The following MN1 variants were observed in gnomAD, a reference collection of about 807,000 sequenced individuals.
The protein encoded by MN1 is transcriptional activator MN1.
In MN1, 19 loss-of-function variants were observed where a neutral mutation model predicts 86.9. The observed-to-expected ratio is 0.22, with a 90% CI of 0.15 to 0.32. The LOEUF is 0.32. Among genes scored for constraint, MN1 ranks in the 10% least tolerant of loss-of-function variants. MN1 has a pLI of 1.00. For missense variants in MN1, 1,841 were observed against 1,862.0 expected, an observed-to-expected ratio of 0.99 and a Z score of 0.21; for synonymous variants, 928 against 849.6, an observed-to-expected ratio of 1.09 and a Z score of -1.60.
At chr22:27,764,136 C>T (rs765046583) in intron 1 of MN1, among the ~76,000 whole-genome samples, 1 of 152,132 alleles carries the variant, frequency 6.6e-6, no homozygotes, top group Non-Finnish European at 1.5e-5. Context: ...AATGGGGAGC[C>T]AAGGAAGGCT....
chr22:27,786,373 T>G (rs1933132779), intron 1 of MN1, among the ~76,000 whole-genome samples: 1 of 152,176 alleles, frequency 6.6e-6, no homozygotes, highest in South Asian at 2.1e-4. Context: ...CTTCCGAGAC[T>G]TATGCATACT....
chr22:27,787,422 G>C (rs201960319), intron 1 of MN1, among the ~76,000 whole-genome samples: 2 of 152,230 alleles, frequency 1.3e-5, no homozygotes, highest in East Asian at 1.9e-4. Flanking sequence ...TCCTGGAAGG[G>C]AGGAAAGAAG....
At position 27,799,819 on chromosome 22, in the gene MN1, C is replaced by T. The variant is rs761329146; in HGVS notation, c.725G>A (p.Gly242Glu). The T allele has an allele frequency of 6.3e-6, 10 of 1,596,396 alleles. No individual in the cohort carries two copies. The East Asian group carries it at 1.1e-4, about 18-fold the overall frequency. Residue 242 changes from glycine (G) to glutamate (E), a missense_variant, in exon 1 of 2, where the codon GGA becomes GAA. By Grantham distance (98) the Gly-to-Glu change is moderately conservative (BLOSUM62 -2). Transcript: ENST00000302326. ...EYNYPGEAPS[G>E]HFDMFSPSDS... ...AGAGGGCGAAAACATGTCAAAATGTCCCGAGGGCGCCTCGCCCGGGTAATT... is the reference window on the plus strand; with the variant it reads ...AGAGGGCGAAAACATGTCAAAATGTTCCGAGGGCGCCTCGCCCGGGTAATT...
In MN1 at chr22:27,801,603, A is replaced by C; in HGVS notation, c.-1060T>G. 1 of 95,702 alleles carries C rather than the reference A, an allele frequency of 1.0e-5. No individual in the cohort carries two copies. Among genetic ancestry groups the C allele is most frequent in the Non-Finnish European group, 1.9e-5 (1 of 51,906 alleles). The allele number at this position is 95,702 out of a possible 1,614,324, so 5.9% of individuals were successfully genotyped here. On this transcript the variant is annotated 5_prime_UTR_variant, in exon 1 of 2. Transcript: ENST00000302326. ...TAAGGCGTTCCCGCTGCGCTCTCAG[A>C]GCCCGGAATGGGGGGAGGGGGGCGC...
Position 27,799,419 on chromosome 22 carries a change from C to T in MN1, c.1125G>A (p.Pro375=), listed in dbSNP as rs370201483. 34 of 1,483,600 alleles carry T rather than the reference C, an allele frequency of 2.3e-5. 1 individual carries two copies. In the Middle Eastern group the frequency reaches 5.4e-4, roughly 24 times the overall value. 91.9% of individuals were successfully genotyped at this position (1,483,600 alleles called of 1,614,324 possible). A position where few individuals can be genotyped will look rare whatever the true frequency, so the allele number is the denominator to read the frequency against. Residue 375 remains proline (P), a synonymous_variant, in exon 1 of 2, where the codon CCG becomes CCA. Coordinates refer to ENST00000302326, the MANE Select transcript of MN1 (RefSeq NM_002430.3). ...CCTGCTGGGGCCGAGGGAGCGCAGG[C>T]GGGCACGAATTTTGTCGGACTAGAA... ...PGLLVRQNSC[P]PALPRPQQGE... is the part of the protein sequence containing the mutation.
At chr22:27,762,683 C>T (rs1490678509) in intron 1 of MN1, among the ~76,000 whole-genome samples, 4 of 152,004 alleles carry the variant, frequency 2.6e-5, no homozygotes, top group Admixed American at 1.3e-4. Context: ...CCAGCATGCT[C>T]GCACAGAAAC....
At position 27,798,094 on chromosome 22, in the gene MN1, T is replaced by C. The variant is rs775314916; in HGVS notation, c.2450A>G (p.Asp817Gly). The change falls in exon 1 of 2, where the codon GAC becomes GGC. Residue 817 changes from aspartate (D) to glycine (G), a missense_variant. Asp to Gly is a moderately conservative substitution (Grantham distance 94). Transcript: ENST00000302326. ...CAGGCAGCTCTGGCCGAACAGGTTG[T>C]CCTTGGAGCTGGGCTTGTTGAAGGA... is the stretch of plus-strand genomic sequence containing the variant. ...LGSFNKPSSK[D>G]NLFGQSCLAA... The C allele has an allele frequency of 1.2e-6, 2 of 1,611,380 alleles. No individual in the cohort carries two copies. Among genetic ancestry groups the C allele is most frequent in the South Asian group, 2.2e-5 (2 of 91,050 alleles).
At position 27,800,057 on chromosome 22, in the gene MN1, C is replaced by T. The variant is rs891364169; in HGVS notation, c.487G>A (p.Glu163Lys). 1.2e-6 allele frequency: 2 copies of T among 1,600,844 alleles called. No individual in the cohort carries two copies. Among genetic ancestry groups the T allele is most frequent in the African/African-American group, 2.7e-5 (2 of 74,904 alleles). The change falls in exon 1 of 2, where the codon GAG becomes AAG. Residue 163 changes from glutamate (E) to lysine (K), a missense_variant. By Grantham distance (56) the Glu-to-Lys change is moderately conservative. Transcript: ENST00000302326. ...YEHMAESQGP[E>K]SFGPQRPGNL... The stretch of plus-strand genomic sequence containing the variant: ...CCCGGTCGCTGCGGGCCGAAGCTCT[C>T]AGGCCCCTGGCTCTCCGCCATGTGC...
At chr22:27,775,941 A>C (rs1568976111) in intron 1 of MN1, among the ~76,000 whole-genome samples, 1 of 148,122 alleles carries the variant, frequency 6.8e-6, no homozygotes, top group African/African-American at 2.6e-5. Context: ...CATTTAAAAA[A>C]GGGAAGGAAA....
intron 1 of MN1, among the ~76,000 whole-genome samples, chr22:27,794,617 C>A (rs1405105608): frequency 6.6e-6 from 1 of 152,156 alleles, no homozygotes; most frequent in African/African-American, 2.4e-5. Flanking sequence ...CAAAACATTT[C>A]TTTGGTGACA....
chr22:27,799,155 G>A lies in MN1; in HGVS notation c.1389C>T (p.Gly463=). Residue 463 remains glycine, a synonymous_variant, in exon 1 of 2, where the codon GGC becomes GGT. Transcript: ENST00000302326. ...AAGCGCAGCGGTCCACTCCCGCGCTGCCCGGAAAGTCGAAGCGCGGCCTCT... is the reference window on the plus strand; with the variant it reads ...AAGCGCAGCGGTCCACTCCCGCGCTACCCGGAAAGTCGAAGCGCGGCCTCT... The part of the protein sequence containing the change: ...VAKRPRFDFP[G]SAGVDRCASW... The A allele has an allele frequency of 6.2e-7, 1 of 1,606,466 alleles. No homozygotes were observed. The highest frequency in any genetic ancestry group is 1.7e-4 in the Middle Eastern group (1 of 6,042).
chr22:27,758,331 G>T (rs1601323400), intron 1 of MN1, among the ~76,000 whole-genome samples: 1 of 152,154 alleles, frequency 6.6e-6, no homozygotes, highest in Admixed American at 6.5e-5. Flanking sequence ...CACCCCAGGT[G>T]ACTCCTGCCA....
intron 1 of MN1, among the ~76,000 whole-genome samples, chr22:27,758,561 A>G (rs966679306): frequency 2.6e-5 from 4 of 152,208 alleles, no homozygotes; most frequent in Non-Finnish European, 4.4e-5. Context: ...ACAGGCCACC[A>G]AACACAGAAA....
In MN1 at chr22:27,800,808, C is replaced by T. The variant is rs1933423268; in HGVS notation, c.-265G>A. The T allele has an allele frequency of 5.5e-6, 3 of 541,998 alleles. No individual in the cohort carries two copies. Among genetic ancestry groups the T allele is most frequent in the Non-Finnish European group, 9.8e-6 (3 of 307,056 alleles). The allele number at this position is 541,998 out of a possible 1,614,324, so 33.6% of individuals were successfully genotyped here. A position where few individuals can be genotyped will look rare whatever the true frequency, so the allele number is the denominator to read the frequency against. ...CCTCTAGGAGCCGTGTTGGGGGGCCCATGCCCCGGGCGGTTGTCACAGCCG... is the reference window on the plus strand; with the variant it reads ...CCTCTAGGAGCCGTGTTGGGGGGCCTATGCCCCGGGCGGTTGTCACAGCCG... On this transcript the variant is annotated 5_prime_UTR_variant, in exon 1 of 2. It removes an upstream start codon present in the reference 5' UTR. Transcript: ENST00000302326.
intron 1 of MN1, among the ~76,000 whole-genome samples, chr22:27,773,537 T>C (rs1247333971): frequency 6.6e-6 from 1 of 152,254 alleles, no homozygotes; most frequent in Non-Finnish European, 1.5e-5. Flanking sequence ...CGCCTCCCTA[T>C]GCCCATTTCA....
At chr22:27,772,513 A>G (rs1932927032) in intron 1 of MN1, among the ~76,000 whole-genome samples, 1 of 152,142 alleles carries the variant, frequency 6.6e-6, no homozygotes, top group South Asian at 2.1e-4. Flanking sequence ...CTAGCATTTA[A>G]GTAGTGCCGA....
At position 27,797,873 on chromosome 22, in the gene MN1, C is replaced by G; in HGVS notation, c.2671G>C (p.Gly891Arg). 1.3e-6 allele frequency: 2 copies of G among 1,590,832 alleles called. No individual in the cohort carries two copies. Among genetic ancestry groups the G allele is most frequent in the Non-Finnish European group, 1.7e-6 (2 of 1,169,686 alleles). The change falls in exon 1 of 2, where the codon GGA becomes CGA. Residue 891 changes from glycine (G) to arginine (R), a missense_variant. Physicochemically the swap from Gly to Arg is moderately radical, Grantham distance 125 (BLOSUM62 -2). Coordinates refer to ENST00000302326, the MANE Select transcript of MN1 (RefSeq NM_002430.3). ...CTGCTACTGGTCCCGGACGGGCCTCCGGGTCCTGGGGCCCCAGGAGCAGTC... is the reference window on the plus strand; with the variant it reads ...CTGCTACTGGTCCCGGACGGGCCTCGGGGTCCTGGGGCCCCAGGAGCAGTC... The part of the protein sequence containing the change: ...GGTAPGAPGP[G>R]GPSGTSSSGS...
chr22:27,756,056 G>A (rs769296784), intron 1 of MN1, among the ~76,000 whole-genome samples: 7 of 152,190 alleles, frequency 4.6e-5, no homozygotes, highest in African/African-American at 7.2e-5. Flanking sequence ...TCCTGCCAAC[G>A]CTGGCTATGA....
chr22:27,767,744 GGTTGGGTGGGTGGAGGT>G (rs1220141798), intron 1 of MN1, among the ~76,000 whole-genome samples: 1 of 152,172 alleles, frequency 6.6e-6, no homozygotes, highest in Non-Finnish European at 1.5e-5. Flanking sequence ...GGGCAGGCAA[GGTTGGGTGGGTGGAGGT>G]GTTGGTTAAG....
Sources: allele counts gnomAD v4.1 joint callset (sites outside exome capture counted in the v4.1 genomes callset), GRCh38; gene constraint gnomAD v4.1.1; transcripts MANE v1.5; gene names NCBI Gene and HGNC (gene_info 2026-07-23, HGNC 2026-07-21).